GSE1: variants seen among roughly 807,000 people sequenced by gnomAD.
The protein encoded by GSE1 is genetic suppressor element 1.
A neutral mutation model predicts 112.6 loss-of-function variants in GSE1; 32 were observed. The observed-to-expected ratio is 0.28, with a 90% CI of 0.21 to 0.38. The LOEUF (loss-of-function observed/expected upper bound fraction) is 0.38, where lower values mean the gene tolerates loss of function less well. Ranked by LOEUF, GSE1 falls within the 10% of genes least tolerant of loss-of-function variation. The probability of loss-of-function intolerance (pLI) is 1.00; values close to 1 mark genes in which losing one functional copy is unlikely to be tolerated. For missense variants in GSE1, 2,348 were observed against 1,699.2 expected, an observed-to-expected ratio of 1.38 and a Z score of -6.71; for synonymous variants, 1,115 against 735.6, an observed-to-expected ratio of 1.52 and a Z score of -8.35.
At chr16:85,216,235 C>T (rs531163969) in intron 1 of GSE1, among the ~76,000 whole-genome samples, 1 of 152,334 alleles carries the variant, frequency 6.6e-6, no homozygotes, top group East Asian at 1.9e-4. Flanking sequence ...GAGACCCCAT[C>T]TCTACAAAAT....
chr16:85,220,755 T>C (rs1276149739), intron 1 of GSE1, among the ~76,000 whole-genome samples: 3 of 152,192 alleles, frequency 2.0e-5, no homozygotes, highest in African/African-American at 7.2e-5. Context: ...CTCTATCCCT[T>C]TCTCTCTCCT....
intron 2 of GSE1, among the ~76,000 whole-genome samples, chr16:85,359,107 G>A (rs567790067): frequency 1.1e-4 from 16 of 152,304 alleles, no homozygotes; most frequent in African/African-American, 3.8e-4. Context: ...ATTTGTTTGC[G>A]ATTTCTCACG....
chr16:85,206,661 T>G (rs2075122106), intron 1 of GSE1, among the ~76,000 whole-genome samples: 1 of 119,028 alleles, frequency 8.4e-6, no homozygotes, highest in African/African-American at 3.2e-5. Context: ...CTTCCTCTCC[T>G]GCCCCTGCCC....
At chr16:85,527,095 C>T (rs981336666) in intron 2 of GSE1, among the ~76,000 whole-genome samples, 5 of 152,164 alleles carry the variant, frequency 3.3e-5, no homozygotes, top group Admixed American at 2.6e-4. Context: ...CCGATGAGGC[C>T]GTGGACTGCG....
intron 2 of GSE1, among the ~76,000 whole-genome samples, chr16:85,473,668 C>G (rs2050364299): frequency 6.6e-6 from 1 of 152,184 alleles, no homozygotes; most frequent in African/African-American, 2.4e-5. Flanking sequence ...AATCCAGGAC[C>G]ACCTCATTGC....
chr16:85,222,525 A>C (rs1019234560), intron 1 of GSE1, among the ~76,000 whole-genome samples: 3 of 152,186 alleles, frequency 2.0e-5, no homozygotes, highest in Admixed American at 1.3e-4. Flanking sequence ...GATCTTGGAA[A>C]AACACCGCCA....
chr16:85,503,067 C>T (rs1299086526), intron 2 of GSE1, among the ~76,000 whole-genome samples: 1 of 152,204 alleles, frequency 6.6e-6, no homozygotes. Context: ...GCAGGAAACC[C>T]TGTTGACATT....
intron 2 of GSE1, among the ~76,000 whole-genome samples, chr16:85,647,649 C>T (rs995712652): frequency 6.6e-6 from 1 of 152,126 alleles, no homozygotes; most frequent in Non-Finnish European, 1.5e-5. Flanking sequence ...TGCGGCAGCA[C>T]GATCTCTGCT....
rs1328004516 is a variant in GSE1, at chr16:85,668,237, A to G, written c.3228A>G (p.Pro1076=). Residue 1076 remains proline, a synonymous_variant, in exon 14 of 16, where the codon CCA becomes CCG. Transcript: ENST00000253458. ...PELQSSSRAP[P]PQHNGQQEPP... is the part of the protein sequence containing the mutation. Reference sequence around the variant, plus strand: ...TGCAGTCCTCCAGCCGCGCCCCTCCACCCCAGCACAATGGGCAGCAGGAGC... The same window carrying G: ...TGCAGTCCTCCAGCCGCGCCCCTCCGCCCCAGCACAATGGGCAGCAGGAGC... 6.2e-7 allele frequency: 1 copy of G among 1,610,306 alleles called. No homozygotes were observed. The highest frequency in any genetic ancestry group is 2.2e-5 in the East Asian group (1 of 44,850).
exon 1 of GSE1, chr16:85,169,577 T>G: frequency 1.0e-6 from 1 of 979,444 alleles, no homozygotes; most frequent in Non-Finnish European, 1.2e-6. Flanking sequence ...ATGGCAGCCG[T>G]GGGCGAGCGG....
intron 1 of GSE1, among the ~76,000 whole-genome samples, chr16:85,353,247 T>C (rs2046886108): frequency 6.6e-6 from 1 of 152,178 alleles, no homozygotes; most frequent in Non-Finnish European, 1.5e-5. Flanking sequence ...ACCTCCACAC[T>C]CACTTGGGTT....
At chr16:85,399,690 G>T (rs2048050184) in intron 2 of GSE1, among the ~76,000 whole-genome samples, 1 of 152,230 alleles carries the variant, frequency 6.6e-6, no homozygotes. Flanking sequence ...ACTGCCGTAG[G>T]CGTGGGGGAT....
intron 1 of GSE1, among the ~76,000 whole-genome samples, chr16:85,296,936 C>G (rs1484094306): frequency 6.6e-6 from 1 of 152,204 alleles, no homozygotes; most frequent in Non-Finnish European, 1.5e-5. Flanking sequence ...CCAGGCTGCT[C>G]CCCCGGCGCT....
chr16:85,394,210 C>A (rs2047915485), intron 2 of GSE1, among the ~76,000 whole-genome samples: 1 of 151,792 alleles, frequency 6.6e-6, no homozygotes, highest in Non-Finnish European at 1.5e-5. Context: ...GGGTGGGAGG[C>A]AGCCGGGGGC....
At chr16:85,551,291 G>A (rs556098404), upstream of GSE1, among the ~76,000 whole-genome samples, 372 of 152,346 alleles carry the variant, frequency 2.4e-3, 2 homozygotes, top group Non-Finnish European at 3.6e-3. Context: ...GAAGTCTTAC[G>A]AAGAGCGCTG....
intron 3 of GSE1, among the ~76,000 whole-genome samples, chr16:85,651,820 C>G (rs76426882): frequency 0.046 from 6,996 of 152,304 alleles, 335 homozygotes; most frequent in African/African-American, 0.12. Context: ...GGCGAGGCCC[C>G]TGTTCTGGGC....
intron 1 of GSE1, among the ~76,000 whole-genome samples, chr16:85,175,702 G>C (rs1424279311): frequency 6.6e-6 from 1 of 152,192 alleles, no homozygotes; most frequent in African/African-American, 2.4e-5. Context: ...CAGGATGTTG[G>C]GGGCGGCATT....
intron 1 of GSE1, among the ~76,000 whole-genome samples, chr16:85,221,374 TACAC>T (rs1300288459): frequency 6.6e-6 from 1 of 151,420 alleles, no homozygotes; most frequent in East Asian, 1.9e-4. Context: ...GTACATATAC[TACAC>T]ACACCCACAT....
intron 1 of GSE1, among the ~76,000 whole-genome samples, chr16:85,298,630 T>G (rs1386909617): frequency 6.6e-6 from 1 of 152,200 alleles, no homozygotes; most frequent in Non-Finnish European, 1.5e-5. Context: ...TTTCACCATG[T>G]TGGCCAGGTT....
Sources: gnomAD v4.1 joint callset for allele counts (sites outside exome capture counted in the v4.1 genomes callset) on GRCh38, gnomAD v4.1.1 for gene constraint, MANE v1.5 for transcripts, NCBI Gene and HGNC (gene_info 2026-07-23, HGNC 2026-07-21) for gene names.